The following SSU72L6 variants were observed in gnomAD, a reference collection of about 807,000 sequenced individuals.
The protein encoded by SSU72L6 is SSU72 like 6.
the SSU72L6 span, chr7:124,476,641 A>T: frequency 5.1e-6 from 4 of 780,612 alleles, no homozygotes; most frequent in Admixed American, 5.1e-5. Context: ...AAATGAGAGA[A>T]TCAAGCCTGG....
At chr7:124,477,379 G>T in the SSU72L6 span, among the ~76,000 whole-genome samples, 34 of 148,478 alleles carry the variant, frequency 2.3e-4, no homozygotes, top group East Asian at 3.9e-4. Context: ...AATTTGAGTG[G>T]TTTTTTTTTT....
At chr7:124,476,503 C>G in the SSU72L6 span, 3 of 780,612 alleles carry the variant, frequency 3.8e-6, no homozygotes, top group Non-Finnish European at 7.2e-6. Context: ...TGTGAGGCTA[C>G]CAGGACGAAG....
chr7:124,477,215 T>G, the SSU72L6 span, among the ~76,000 whole-genome samples: 1 of 152,234 alleles, frequency 6.6e-6, no homozygotes. Flanking sequence ...ATGCTTATAT[T>G]ATTCTACAAG....
At chr7:124,476,553 T>C in the SSU72L6 span, 2 of 780,606 alleles carry the variant, frequency 2.6e-6, no homozygotes, top group South Asian at 1.3e-5. Context: ...CAACAACATA[T>C]AAGGAGATGT....
At chr7:124,476,656 G>A in the SSU72L6 span, 1 of 780,682 alleles carries the variant, frequency 1.3e-6, no homozygotes, top group Non-Finnish European at 2.4e-6. Flanking sequence ...GCCTGGCCCA[G>A]AAAGATTTCA....
the SSU72L6 span, chr7:124,476,861 A>G: frequency 1.3e-6 from 1 of 766,806 alleles, no homozygotes; most frequent in South Asian, 1.3e-5. Flanking sequence ...TGCCTGCAGC[A>G]GTCCGACGAC....
At chr7:124,477,536 A>T in the SSU72L6 span, among the ~76,000 whole-genome samples, 1 of 152,018 alleles carries the variant, frequency 6.6e-6, no homozygotes, top group Non-Finnish European at 1.5e-5. Context: ...ACTAATGCTC[A>T]CTTTAATAGG....
the SSU72L6 span, chr7:124,476,345 C>G: frequency 2.7e-6 from 2 of 749,370 alleles, no homozygotes; most frequent in Non-Finnish European, 5.0e-6. Flanking sequence ...GTGCCTGTGT[C>G]TCTCTTGTTC....
the SSU72L6 span, chr7:124,476,351 TG>T: frequency 1.7e-5 from 13 of 760,654 alleles, no homozygotes; most frequent in Admixed American, 2.3e-4. Flanking sequence ...GTGTCTCTCT[TG>T]TTCCCAGTGG....
chr7:124,476,739 G>C, the SSU72L6 span: 2 of 780,502 alleles, frequency 2.6e-6, no homozygotes, highest in Admixed American at 3.4e-5. Context: ...TGGAAGATCT[G>C]TGTTCCAGAG....
chr7:124,477,002 G>A, the SSU72L6 span: 1 of 667,894 alleles, frequency 1.5e-6, no homozygotes. Context: ...ACTTAGGCAT[G>A]GGACTTTAGT....
At chr7:124,477,096 A>G in the SSU72L6 span, 2 of 593,328 alleles carry the variant, frequency 3.4e-6, no homozygotes, top group East Asian at 5.5e-5. Context: ...CTGGAAAGAG[A>G]CTATTACCAA....
the SSU72L6 span, chr7:124,476,325 A>C: frequency 2.8e-6 from 2 of 720,418 alleles, no homozygotes; most frequent in Non-Finnish European, 5.1e-6. Context: ...GAGTCCCTGC[A>C]GCAGCTGAGG....
the SSU72L6 span, chr7:124,476,994 T>A: frequency 1.5e-6 from 1 of 681,612 alleles, no homozygotes; most frequent in Non-Finnish European, 2.7e-6. Flanking sequence ...CGGTAAGAAC[T>A]TAGGCATGGG....
At chr7:124,476,792 T>C in the SSU72L6 span, 2 of 778,980 alleles carry the variant, frequency 2.6e-6, no homozygotes, top group African/African-American at 1.7e-5. Context: ...AACATGGACA[T>C]CAAAGATACC....
At chr7:124,476,837 G>C in the SSU72L6 span, 6 of 770,374 alleles carry the variant, frequency 7.8e-6, no homozygotes, top group Non-Finnish European at 1.2e-5. Context: ...TTCCTCATCT[G>C]TGAGATTTGC....
the SSU72L6 span, chr7:124,476,790 C>G: frequency 1.3e-6 from 1 of 779,276 alleles, no homozygotes; most frequent in Non-Finnish European, 2.4e-6. Context: ...TCAACATGGA[C>G]ATCAAAGATA....
the SSU72L6 span, among the ~76,000 whole-genome samples, chr7:124,477,324 T>C: frequency 6.6e-6 from 1 of 152,124 alleles, no homozygotes; most frequent in Non-Finnish European, 1.5e-5. Context: ...AGCAGATAAA[T>C]AACATTGTAT....
chr7:124,476,849 A>G, the SSU72L6 span: 1 of 768,618 alleles, frequency 1.3e-6, no homozygotes. Flanking sequence ...GAGATTTGCC[A>G]GTGCCTGCAG....
Sources: allele counts gnomAD v4.1 joint callset (sites outside exome capture counted in the v4.1 genomes callset), GRCh38; gene constraint gnomAD v4.1.1; transcripts MANE v1.5; gene names NCBI Gene and HGNC (gene_info 2026-07-23, HGNC 2026-07-21).